The following PCDH15 variants were observed in gnomAD, a reference collection of about 807,000 sequenced individuals.
PCDH15 encodes protocadherin-15.
PCDH15 carries 129 observed loss-of-function variants against 178.5 expected under a neutral mutation model. The observed-to-expected ratio is 0.72, with a 90% CI of 0.63 to 0.84. The LOEUF (loss-of-function observed/expected upper bound fraction) is 0.84, where lower values mean the gene tolerates loss of function less well. Among genes scored for constraint, PCDH15 ranks in the 40% least tolerant of loss-of-function variants. The pLI, the probability that PCDH15 is intolerant of heterozygous loss-of-function variation, is 0.00. For missense variants in PCDH15, 2,230 were observed against 2,099.9 expected (o/e 1.06, Z -1.21); for synonymous variants, 800 against 732.0 (o/e 1.09, Z -1.50).
At chr10:54,099,595 C>A (rs191375864) in intron 15 of PCDH15, among the ~76,000 whole-genome samples, 2 of 150,224 alleles carry the variant, frequency 1.3e-5, no homozygotes, top group Admixed American at 6.6e-5. Flanking sequence ...GTCCATTAAG[C>A]CCCACACATC....
chr10:55,186,888 T>C (rs1378078233), intron 1 of PCDH15, among the ~76,000 whole-genome samples: 2 of 151,868 alleles, frequency 1.3e-5, no homozygotes, highest in African/African-American at 4.8e-5. Flanking sequence ...CAAGCTTATA[T>C]TTTGGTATAG....
intron 27 of PCDH15, among the ~76,000 whole-genome samples, chr10:53,862,927 T>C (rs1215050856): frequency 6.6e-6 from 1 of 152,148 alleles, no homozygotes. Flanking sequence ...ACTAAGGGAA[T>C]GAATGTGAGG....
At chr10:54,969,441 G>T (rs1838877951) in intron 2 of PCDH15, among the ~76,000 whole-genome samples, 1 of 152,082 alleles carries the variant, frequency 6.6e-6, no homozygotes, top group South Asian at 2.1e-4. Context: ...ATTATTCTTA[G>T]TCCTATGTGA....
intron 1 of PCDH15, among the ~76,000 whole-genome samples, chr10:55,271,447 T>C (rs987186842): frequency 2.1e-4 from 32 of 152,118 alleles, no homozygotes; most frequent in African/African-American, 7.7e-4. Context: ...TGTTCTTAAA[T>C]TGAAAAGAGA....
At chr10:54,781,963 T>G (rs1355469533) in intron 1 of PCDH15, among the ~76,000 whole-genome samples, 1 of 152,158 alleles carries the variant, frequency 6.6e-6, no homozygotes, top group Non-Finnish European at 1.5e-5. Context: ...TTTGTCACAG[T>G]GCAAGAAAAA....
chr10:54,291,709 C>T (rs183334622), intron 8 of PCDH15, among the ~76,000 whole-genome samples: 21 of 152,026 alleles, frequency 1.4e-4, no homozygotes, highest in South Asian at 1.2e-3. Context: ...GCAAATAAAC[C>T]GGAAAATCTA....
intron 3 of PCDH15, among the ~76,000 whole-genome samples, chr10:54,461,265 G>T (rs548184129): frequency 6.6e-6 from 1 of 152,140 alleles, no homozygotes; most frequent in African/African-American, 2.4e-5. Flanking sequence ...GTAGCATTAG[G>T]TTCAACCTAA....
At chr10:55,223,928 T>C (rs949796058) in intron 1 of PCDH15, among the ~76,000 whole-genome samples, 5 of 152,066 alleles carry the variant, frequency 3.3e-5, no homozygotes, top group African/African-American at 1.2e-4. Context: ...CCCTCTATAA[T>C]AATATAAGCA....
chr10:54,371,388 A>G (rs1473607190), intron 4 of PCDH15, among the ~76,000 whole-genome samples: 1 of 151,838 alleles, frequency 6.6e-6, no homozygotes, highest in African/African-American at 2.4e-5. Flanking sequence ...TAGGTAGATT[A>G]TAACAGGTAC....
intron 2 of PCDH15, among the ~76,000 whole-genome samples, chr10:55,555,305 G>T (rs7092078): frequency 6.6e-6 from 1 of 151,950 alleles, no homozygotes; most frequent in Non-Finnish European, 1.5e-5. Context: ...ATTTTCCCTT[G>T]TTCAAAAGCT....
chr10:55,089,900 T>C (rs1202403463), intron 2 of PCDH15, among the ~76,000 whole-genome samples: 1 of 152,016 alleles, frequency 6.6e-6, no homozygotes, highest in Non-Finnish European at 1.5e-5. Context: ...TAATAAGCAT[T>C]TTTTTCACAA....
intron 3 of PCDH15, among the ~76,000 whole-genome samples, chr10:54,424,544 A>G (rs1199871699): frequency 6.7e-6 from 1 of 150,152 alleles, no homozygotes; most frequent in Non-Finnish European, 1.5e-5. Context: ...ATGCTGCTAT[A>G]AAGACACATG....
rs548284237 is a variant in PCDH15, at chr10:55,595,224, C to T, written c.-156+32401G>A. On this transcript the variant is annotated intron_variant, in intron 2 of 5. Transcript: ENST00000613346. ...TTCAACATTTAGGAAGTTTATTTTT[C>T]TCTTCTTTTTAATTATCTCAAAATG... Among the ~76,000 whole-genome samples, 3 of 151,960 alleles carry T rather than the reference C, an allele frequency of 2.0e-5. 1 individual carries two copies. The South Asian group carries it at 6.2e-4, about 32-fold the overall frequency.
At chr10:54,741,260 TA>T (rs1402949513) in intron 1 of PCDH15, among the ~76,000 whole-genome samples, 34 of 151,202 alleles carry the variant, frequency 2.2e-4, no homozygotes, top group African/African-American at 8.0e-4. Context: ...AACTATATAT[TA>T]ATATATAAAA....
intron 1 of PCDH15, among the ~76,000 whole-genome samples, chr10:55,191,588 T>G (rs1408198162): frequency 6.6e-6 from 1 of 151,880 alleles, no homozygotes; most frequent in Admixed American, 6.6e-5. Context: ...TAATCTCTTT[T>G]AACATGGGAA....
At chr10:53,946,600 A>T (rs2134134835) in intron 23 of PCDH15, among the ~76,000 whole-genome samples, 1 of 152,276 alleles carries the variant, frequency 6.6e-6, no homozygotes, top group East Asian at 1.9e-4. Context: ...ATTACAATGT[A>T]TTGGATGTAT....
intron 1 of PCDH15, among the ~76,000 whole-genome samples, chr10:55,257,371 G>C (rs1037521269): frequency 2.0e-5 from 3 of 152,188 alleles, no homozygotes; most frequent in Non-Finnish European, 2.9e-5. Context: ...AAGCTAGATG[G>C]AGAATGACTT....
At chr10:54,311,068 C>T (rs903725350) in intron 8 of PCDH15, among the ~76,000 whole-genome samples, 7 of 152,046 alleles carry the variant, frequency 4.6e-5, no homozygotes, top group Non-Finnish European at 8.8e-5. Context: ...ACCAGAGAAG[C>T]TGTTTTTGAC....
At chr10:54,091,618 T>C (rs2136066714) in intron 15 of PCDH15, among the ~76,000 whole-genome samples, 1 of 152,326 alleles carries the variant, frequency 6.6e-6, no homozygotes. Context: ...CAGTCAGTAA[T>C]AAACTACTGA....
Sources: gnomAD v4.1 joint callset for allele counts (sites outside exome capture counted in the v4.1 genomes callset) on GRCh38, gnomAD v4.1.1 for gene constraint, MANE v1.5 for transcripts, NCBI Gene and HGNC (gene_info 2026-07-23, HGNC 2026-07-21) for gene names.